Variants in CTNNA3 observed in about 807,000 individuals in gnomAD.
CTNNA3 encodes catenin alpha 3.
Under a neutral mutation model 95.7 loss-of-function variants are expected in CTNNA3, and 76 were observed. That is an observed-to-expected ratio of 0.79 (90% CI 0.66 to 0.96). The LOEUF (loss-of-function observed/expected upper bound fraction) is 0.96, where lower values mean the gene tolerates loss of function less well. Ranked by LOEUF, CTNNA3 falls within the 40% of genes least tolerant of loss-of-function variation. The pLI is 0.00. For missense variants in CTNNA3, 1,191 were observed against 1,089.8 expected (o/e 1.09, Z -1.31); for synonymous variants, 431 against 374.4 (o/e 1.15, Z -1.74).
chr10:67,123,376 T>A (rs1177872947), intron 7 of CTNNA3, among the ~76,000 whole-genome samples: 3 of 152,210 alleles, frequency 2.0e-5, no homozygotes, highest in Non-Finnish European at 4.4e-5. Context: ...AACTAAATAG[T>A]ATCTATTCTA....
At chr10:67,320,603 G>A (rs972287930) in intron 5 of CTNNA3, among the ~76,000 whole-genome samples, 24 of 152,344 alleles carry the variant, frequency 1.6e-4, no homozygotes, top group Admixed American at 8.5e-4. Context: ...GGGAGCATAT[G>A]AGTAGGTTCT....
At chr10:66,749,880 G>A (rs1839060496) in intron 9 of CTNNA3, among the ~76,000 whole-genome samples, 2 of 152,146 alleles carry the variant, frequency 1.3e-5, no homozygotes, top group South Asian at 4.1e-4. Context: ...CCAACACTTG[G>A]TATTGCCAGT....
At chr10:66,599,455 C>A (rs1843840990) in intron 10 of CTNNA3, among the ~76,000 whole-genome samples, 1 of 151,960 alleles carries the variant, frequency 6.6e-6, no homozygotes. Context: ...CAATTTTTGG[C>A]CCATTTCTCC....
intron 7 of CTNNA3, among the ~76,000 whole-genome samples, chr10:66,932,999 T>C (rs1458453634): frequency 6.6e-6 from 1 of 152,228 alleles, no homozygotes; most frequent in African/African-American, 2.4e-5. Context: ...AAGTTTCTCA[T>C]ATGTAACACA....
intron 12 of CTNNA3, among the ~76,000 whole-genome samples, chr10:66,355,391 T>C (rs2092600983): frequency 6.6e-6 from 1 of 152,108 alleles, no homozygotes; most frequent in African/African-American, 2.4e-5. Context: ...GGATTAAATG[T>C]AATGGCAAAT....
chr10:66,349,808 C>T (rs972064171), intron 12 of CTNNA3, among the ~76,000 whole-genome samples: 1 of 151,982 alleles, frequency 6.6e-6, no homozygotes, highest in Non-Finnish European at 1.5e-5. Flanking sequence ...TAAACTGCAA[C>T]TTTACCATTA....
chr10:67,193,400 G>A (rs1863208528), intron 6 of CTNNA3, among the ~76,000 whole-genome samples: 1 of 151,722 alleles, frequency 6.6e-6, no homozygotes, highest in African/African-American at 2.4e-5. Flanking sequence ...TTGTTATATA[G>A]GTAAACTTGT....
At chr10:66,272,072 A>G (rs189415033) in intron 13 of CTNNA3, among the ~76,000 whole-genome samples, 6 of 152,312 alleles carry the variant, frequency 3.9e-5, no homozygotes, top group Admixed American at 6.5e-5. Flanking sequence ...CAGAAGAAGC[A>G]GCAAGAGTAC....
In CTNNA3 at chr10:67,208,961, T is replaced by C. The variant is rs570146057; in HGVS notation, c.843+10646A>G. Among the ~76,000 whole-genome samples, 3 of 152,140 alleles carry C rather than the reference T, an allele frequency of 2.0e-5. No homozygotes were observed. The East Asian group carries it at 5.8e-4, about 29-fold the overall frequency. Reference sequence around the variant, plus strand: ...TATTAAAATAAAGAGGAACATTTTATAATAATAAAAGGTACCTTCCACCAG... The same window carrying C: ...TATTAAAATAAAGAGGAACATTTTACAATAATAAAAGGTACCTTCCACCAG... On this transcript the variant is annotated intron_variant, in intron 6 of 17. Transcript: ENST00000433211.
rs182058162 is a variant in CTNNA3, at chr10:66,343,769, A to G, written c.1732+35383T>C. On this transcript the variant is annotated intron_variant, in intron 12 of 17. Coordinates refer to ENST00000433211, the MANE Select transcript of CTNNA3 (RefSeq NM_013266.4). ...AAACGATAAATCTTTGAGATGATGG[A>G]TATGCTAATTACCCTGTGCATTACT... is the stretch of plus-strand genomic sequence containing the variant. Among the ~76,000 whole-genome samples the G allele has an allele frequency of 2.5e-3, 387 of 152,204 alleles. 6 individuals carry two copies. The highest frequency in any genetic ancestry group is 4.1e-3 in the Non-Finnish European group (277 of 67,968).
intron 9 of CTNNA3, among the ~76,000 whole-genome samples, chr10:66,692,445 A>C (rs1178247179): frequency 6.6e-6 from 1 of 152,202 alleles, no homozygotes; most frequent in Non-Finnish European, 1.5e-5. Flanking sequence ...AAAGCCTCCA[A>C]GAAATATGGG....
At chr10:66,418,899 C>G (rs1407828109) in intron 11 of CTNNA3, among the ~76,000 whole-genome samples, 4 of 152,018 alleles carry the variant, frequency 2.6e-5, no homozygotes, top group Admixed American at 2.0e-4. Flanking sequence ...CCATATATGT[C>G]AAATCCACAA....
At chr10:67,191,819 A>G (rs556236055) in intron 6 of CTNNA3, among the ~76,000 whole-genome samples, 2 of 152,006 alleles carry the variant, frequency 1.3e-5, no homozygotes, top group African/African-American at 4.8e-5. Context: ...AACTGGAGGG[A>G]TCACACTTCC....
At chr10:66,167,176 G>A (rs2085178692) in intron 13 of CTNNA3, among the ~76,000 whole-genome samples, 1 of 152,142 alleles carries the variant, frequency 6.6e-6, no homozygotes, top group Non-Finnish European at 1.5e-5. Flanking sequence ...TGTGCTGTAT[G>A]TAAAAAAGAG....
intron 5 of CTNNA3, among the ~76,000 whole-genome samples, chr10:67,442,690 A>C (rs1303046009): frequency 6.6e-6 from 1 of 152,152 alleles, no homozygotes; most frequent in Non-Finnish European, 1.5e-5. Context: ...TTGTAAATAT[A>C]TATGCACCCA....
chr10:66,760,455 T>C, intron 9 of CTNNA3, among the ~76,000 whole-genome samples: 1 of 148,718 alleles, frequency 6.7e-6, no homozygotes, highest in South Asian at 2.1e-4. Flanking sequence ...TGGAGTTTTT[T>C]GTTTGTTTGT....
At chr10:66,077,053 G>C (rs1231030209) in intron 14 of CTNNA3, among the ~76,000 whole-genome samples, 2 of 151,686 alleles carry the variant, frequency 1.3e-5, no homozygotes, top group African/African-American at 2.4e-5. Flanking sequence ...TGAGTATTAA[G>C]GAAAATTAAG....
chr10:66,205,186 T>C (rs1036983715), intron 13 of CTNNA3, among the ~76,000 whole-genome samples: 2 of 152,110 alleles, frequency 1.3e-5, no homozygotes, highest in Admixed American at 6.6e-5. Flanking sequence ...CCTTTATGTT[T>C]AATTTCTATA....
chr10:66,212,878 C>T (rs1039537814), intron 13 of CTNNA3, among the ~76,000 whole-genome samples: 3 of 152,112 alleles, frequency 2.0e-5, no homozygotes, highest in Non-Finnish European at 2.9e-5. Context: ...TAGCACATGC[C>T]TGTAATCCCA....
Sources: gnomAD v4.1 joint callset for allele counts (sites outside exome capture counted in the v4.1 genomes callset) on GRCh38, gnomAD v4.1.1 for gene constraint, MANE v1.5 for transcripts, NCBI Gene and HGNC (gene_info 2026-07-23, HGNC 2026-07-21) for gene names.